The following HYDIN variants were observed in gnomAD, a reference collection of about 807,000 sequenced individuals.
The protein encoded by HYDIN is axonemal central pair apparatus protein HYDIN.
In HYDIN, 132 loss-of-function variants were observed where a neutral mutation model predicts 403.9. The observed-to-expected ratio is 0.33, with a 90% confidence interval of 0.28 to 0.38. The LOEUF is 0.38. HYDIN is among the 10% of genes least tolerant of loss of function. The pLI, the probability that HYDIN is intolerant of heterozygous loss-of-function variation, is 1.00. For synonymous variants in HYDIN, 1,202 were observed against 1,891.7 expected (o/e 0.64, Z 9.46); for missense variants, 2,827 against 5,009.5 (o/e 0.56, Z 13.15).
chr16:71,037,902 A>G (rs1222971271), intron 18 of HYDIN, among the ~76,000 whole-genome samples: 1 of 152,236 alleles, frequency 6.6e-6, no homozygotes, highest in Non-Finnish European at 1.5e-5. Context: ...AACTGAGATC[A>G]TAAGTTAGCA....
chr16:70,865,548 C>G (rs1400300215), intron 67 of HYDIN, among the ~76,000 whole-genome samples: 1 of 151,842 alleles, frequency 6.6e-6, no homozygotes, highest in African/African-American at 2.4e-5. Flanking sequence ...TAGGTCTGTT[C>G]CCCTGGAGAC....
intron 1 of HYDIN, among the ~76,000 whole-genome samples, chr16:71,228,090 G>T (rs941066905): frequency 6.6e-6 from 1 of 152,144 alleles, no homozygotes; most frequent in Non-Finnish European, 1.5e-5. Context: ...AATGGTGCTA[G>T]GAAAACTGGC....
chr16:71,022,668 A>G (rs1405789972), intron 21 of HYDIN, among the ~76,000 whole-genome samples: 4 of 150,978 alleles, frequency 2.6e-5, no homozygotes, highest in African/African-American at 9.7e-5. Context: ...ATTGTCCCTG[A>G]TGTGGATTAA....
chr16:71,118,835 A>C (rs1049919775), intron 9 of HYDIN, among the ~76,000 whole-genome samples: 37 of 152,152 alleles, frequency 2.4e-4, no homozygotes, highest in African/African-American at 8.9e-4. Context: ...GTGGTGTATC[A>C]GTAGTTATCT....
chr16:70,985,029 G>T (rs1422171195), intron 28 of HYDIN, 156 bp downstream of exon 28: 22 of 633,190 alleles, frequency 3.5e-5, no homozygotes, highest in Non-Finnish European at 5.6e-5. Context: ...ATAAATGAGC[G>T]AAGTGGCTTG....
At position 70,862,125 on chromosome 16, in the gene HYDIN, C is replaced by A; in HGVS notation, c.11700G>T (p.Pro3900=). 3 of 1,611,910 alleles carry A rather than the reference C, an allele frequency of 1.9e-6. No individual in the cohort carries two copies. The highest frequency in any genetic ancestry group is 3.4e-5 in the Admixed American group (2 of 59,694). Residue 3900 remains proline, a synonymous_variant, in exon 69 of 86, where the codon CCG becomes CCT. Coordinates refer to ENST00000393567, the MANE Select transcript of HYDIN (RefSeq NM_001270974.2). ...FSVEPSSGIV[P]VGKIQKFKVK... ...CTTTGAACTTCTGAATCTTCCCCAC[C>A]GGCACGATTCCCGAAGAGGGCTCCA...
chr16:71,016,929 G>T (rs528473187), intron 23 of HYDIN, among the ~76,000 whole-genome samples: 3 of 151,576 alleles, frequency 2.0e-5, no homozygotes, highest in African/African-American at 7.2e-5. Flanking sequence ...ATCTCAAAAT[G>T]TGTTCCCCAC....
intron 41 of HYDIN, among the ~76,000 whole-genome samples, chr16:70,949,340 G>C (rs2077986733): frequency 6.7e-6 from 1 of 149,954 alleles, no homozygotes; most frequent in Non-Finnish European, 1.5e-5. Context: ...GATAGCACTG[G>C]GAGATATACC....
At chr16:70,961,306 G>C (rs549280860) in intron 38 of HYDIN, among the ~76,000 whole-genome samples, 1 of 152,088 alleles carries the variant, frequency 6.6e-6, no homozygotes, top group South Asian at 2.1e-4. Flanking sequence ...TCTCAGTTTT[G>C]CCATTACATG....
rs546370333 is a variant in HYDIN at position 70,951,252 on chromosome 16, G to C, written c.6531+1169C>G. On this transcript the variant is annotated intron_variant, in intron 41 of 85. Coordinates refer to ENST00000393567, the MANE Select transcript of HYDIN (RefSeq NM_001270974.2). ...CCTGACTCTAGGGAAAAGGGACAGA[G>C]AGAGAGAGAGAGAGAGAGAGAGAGA... is the stretch of plus-strand genomic sequence containing the variant. 4.5e-3 allele frequency among the ~76,000 whole-genome samples: 626 copies of C among 140,136 alleles called. 6 individuals are homozygous for C. The highest frequency in any genetic ancestry group is 6.3e-3 in the Non-Finnish European group (413 of 65,286). 91.9% of individuals were successfully genotyped at this position (140,136 alleles called of 152,430 possible). A position where few individuals can be genotyped will look rare whatever the true frequency, so the allele number is the denominator to read the frequency against.
intron 23 of HYDIN, among the ~76,000 whole-genome samples, chr16:71,000,602 C>G (rs1196332668): frequency 1.3e-5 from 2 of 152,126 alleles, no homozygotes; most frequent in Non-Finnish European, 2.9e-5. Flanking sequence ...CTACCCCGCT[C>G]CATAAGTTTC....
chr16:70,852,964 AG>A (rs1285233046), intron 73 of HYDIN: 1 of 151,596 alleles, frequency 6.6e-6, no homozygotes, highest in East Asian at 1.9e-4. Context: ...ACTTGAGGTC[AG>A]GAGCTCGAGA....
At chr16:71,018,902 T>G (rs2080363609) in intron 22 of HYDIN, among the ~76,000 whole-genome samples, 2 of 121,440 alleles carry the variant, frequency 1.6e-5, no homozygotes, top group Non-Finnish European at 3.6e-5. Context: ...TTTAAAAGGG[T>G]TTTCTAAAGC....
At chr16:71,060,077 A>G (rs1568079799) in intron 18 of HYDIN, among the ~76,000 whole-genome samples, 1 of 152,102 alleles carries the variant, frequency 6.6e-6, no homozygotes, top group Non-Finnish European at 1.5e-5. Flanking sequence ...CTCAAATTAA[A>G]GGGAGCACTT....
chr16:71,149,761 C>T (rs2085467798), intron 7 of HYDIN, among the ~76,000 whole-genome samples: 1 of 152,176 alleles, frequency 6.6e-6, no homozygotes, highest in Admixed American at 6.5e-5. Context: ...CTCCTGAGCT[C>T]AAGCAATGCT....
chr16:70,842,156 A>G (rs954191794), intron 75 of HYDIN, among the ~76,000 whole-genome samples: 1 of 150,816 alleles, frequency 6.6e-6, no homozygotes, highest in African/African-American at 2.5e-5. Flanking sequence ...AAGAATGTCT[A>G]TTCTCCTGCT....
chr16:71,089,228 A>G (rs1444284113), intron 11 of HYDIN, among the ~76,000 whole-genome samples: 1 of 152,114 alleles, frequency 6.6e-6, no homozygotes, highest in African/African-American at 2.4e-5. Flanking sequence ...TAAAGAGCTC[A>G]TGCCTGAGCT....
At chr16:71,148,347 A>T (rs1218786705) in intron 7 of HYDIN, among the ~76,000 whole-genome samples, 8 of 152,224 alleles carry the variant, frequency 5.3e-5, no homozygotes, top group Non-Finnish European at 7.3e-5. Context: ...ATTTGCTGTC[A>T]TTACTTCCAA....
chr16:70,927,014 G>A (rs1282025304), intron 45 of HYDIN, among the ~76,000 whole-genome samples: 3 of 152,072 alleles, frequency 2.0e-5, no homozygotes, highest in Non-Finnish European at 2.9e-5. Context: ...TTTGCAAAAA[G>A]GCCTAGCACA....
Sources: allele counts gnomAD v4.1 joint callset (sites outside exome capture counted in the v4.1 genomes callset), GRCh38; gene constraint gnomAD v4.1.1; transcripts MANE v1.5; gene names NCBI Gene and HGNC (gene_info 2026-07-23, HGNC 2026-07-21).